The following LASP1 variants were observed in gnomAD, a reference collection of about 807,000 sequenced individuals.
LASP1 encodes the protein LIM and SH3 domain protein 1.
A neutral mutation model predicts 38.6 loss-of-function variants in LASP1; 10 were observed. The ratio of observed to expected loss-of-function variants is 0.26; its 90% CI spans 0.16 to 0.44. The LOEUF (loss-of-function observed/expected upper bound fraction) is 0.44. Among genes scored for constraint, LASP1 ranks in the 20% least tolerant of loss-of-function variants. The probability of loss-of-function intolerance (pLI) is 1.00; values close to 1 mark genes in which losing one functional copy is unlikely to be tolerated. For missense variants in LASP1, 243 were observed against 375.7 expected (o/e 0.65, Z 2.92); for synonymous variants, 132 against 140.8 (o/e 0.94, Z 0.44).
intron 4 of LASP1, among the ~76,000 whole-genome samples, chr17:38,905,953 G>A (rs533718796): frequency 6.6e-6 from 1 of 152,282 alleles, no homozygotes; most frequent in East Asian, 1.9e-4. Context: ...CCAGCTACTC[G>A]AGCGGCTGAG....
intron 4 of LASP1, among the ~76,000 whole-genome samples, chr17:38,909,751 A>T (rs1199191429): frequency 6.6e-6 from 1 of 151,676 alleles, no homozygotes; most frequent in African/African-American, 2.4e-5. Flanking sequence ...TCATTCATTC[A>T]TTCATTCATT....
At chr17:38,905,860 T>G (rs1441570693) in intron 4 of LASP1, among the ~76,000 whole-genome samples, 1 of 151,628 alleles carries the variant, frequency 6.6e-6, no homozygotes, top group African/African-American at 2.4e-5. Context: ...AGTTTAAGAC[T>G]TGCCTGGGCA....
intron 1 of LASP1, among the ~76,000 whole-genome samples, chr17:38,877,066 CACCCCAACACACACAATCTCCA>C: frequency 6.6e-6 from 1 of 152,218 alleles, no homozygotes; most frequent in Non-Finnish European, 1.5e-5. Flanking sequence ...AGCCCCTCTG[CACCCCAACACACACAATCTCCA>C]GTGTGAGCCC....
intron 2 of LASP1, among the ~76,000 whole-genome samples, chr17:38,879,130 T>A (rs1170829301): frequency 6.6e-6 from 1 of 151,030 alleles, no homozygotes; most frequent in African/African-American, 2.4e-5. Flanking sequence ...TAAGTAATGA[T>A]GTAATGATAA....
chr17:38,880,462 G>A (rs1164125230), intron 2 of LASP1, among the ~76,000 whole-genome samples: 1 of 152,232 alleles, frequency 6.6e-6, no homozygotes, highest in African/African-American at 2.4e-5. Flanking sequence ...AGAGGCAGAG[G>A]TTCCCCTGTC....
intron 1 of LASP1, among the ~76,000 whole-genome samples, chr17:38,873,629 G>C (rs1177179742): frequency 1.3e-5 from 2 of 152,196 alleles, no homozygotes; most frequent in Non-Finnish European, 2.9e-5. Flanking sequence ...TCTGGGCCTG[G>C]GGTCTTGTAT....
At position 38,919,072 on chromosome 17, in the gene LASP1, T is replaced by C; in HGVS notation, c.*294T>C. ...TGGGAGACCTGTTGGCCTGTGGGCCTCACCTGCCCCTCTGTTCTCTCCCCT... is the reference window on the plus strand; with the variant it reads ...TGGGAGACCTGTTGGCCTGTGGGCCCCACCTGCCCCTCTGTTCTCTCCCCT... On this transcript the variant is annotated 3_prime_UTR_variant, in exon 7 of 7. Coordinates refer to ENST00000318008, the MANE Select transcript of LASP1 (RefSeq NM_006148.4). 4.4e-6 allele frequency: 2 copies of C among 451,890 alleles called. No homozygotes were observed. The highest frequency in any genetic ancestry group is 4.0e-6 in the Non-Finnish European group (1 of 247,304). The allele number at this position is 451,890 out of a possible 1,614,324, so 28.0% of individuals were successfully genotyped here. A position where few individuals can be genotyped will look rare whatever the true frequency, so the allele number is the denominator to read the frequency against.
At chr17:38,909,241 C>T (rs1207364845) in intron 4 of LASP1, among the ~76,000 whole-genome samples, 3 of 151,974 alleles carry the variant, frequency 2.0e-5, no homozygotes, top group Non-Finnish European at 4.4e-5. Flanking sequence ...CCCCCATCCT[C>T]ATGGAGCACT....
chr17:38,889,987 TG>T (rs1359014328), intron 2 of LASP1, among the ~76,000 whole-genome samples: 1 of 152,246 alleles, frequency 6.6e-6, no homozygotes, highest in Non-Finnish European at 1.5e-5. Context: ...CTCCTCTGCA[TG>T]GTCGGTCTCC....
intron 2 of LASP1, among the ~76,000 whole-genome samples, chr17:38,884,680 C>G (rs947605226): frequency 6.9e-6 from 1 of 145,246 alleles, no homozygotes; most frequent in Admixed American, 6.9e-5. Context: ...TGAGCCACCA[C>G]GTCCGGCTTT....
intron 4 of LASP1, among the ~76,000 whole-genome samples, chr17:38,913,943 GGTGAGCTGAGATC>G (rs1915032791): frequency 2.0e-5 from 3 of 151,712 alleles, no homozygotes; most frequent in African/African-American, 7.3e-5. Context: ...TGGAGGTTGC[GGTGAGCTGAGATC>G]GTACCATTGC....
chr17:38,902,851 T>A (rs748375351), intron 4 of LASP1, among the ~76,000 whole-genome samples: 1 of 152,104 alleles, frequency 6.6e-6, no homozygotes, highest in Non-Finnish European at 1.5e-5. Flanking sequence ...TATAGGCACA[T>A]GCCACCACGC....
chr17:38,885,715 G>A (rs1338084218), intron 2 of LASP1, among the ~76,000 whole-genome samples: 1 of 152,192 alleles, frequency 6.6e-6, no homozygotes, highest in East Asian at 1.9e-4. Context: ...CAGCTGGGAC[G>A]GGTGGCCCCT....
chr17:38,896,985 C>T, intron 3 of LASP1: 1 of 985,474 alleles, frequency 1.0e-6, no homozygotes, highest in Non-Finnish European at 1.2e-6. Context: ...GCCCTACCTT[C>T]CCCGATGCCC....
intron 1 of LASP1, among the ~76,000 whole-genome samples, chr17:38,870,659 G>A (rs1486110750): frequency 6.6e-6 from 1 of 152,082 alleles, no homozygotes; most frequent in African/African-American, 2.4e-5. Context: ...GCGGAAGCGC[G>A]GGGCGCTGGT....
In LASP1 at chr17:38,892,714, C is replaced by T. The variant is rs796431873; in HGVS notation, c.249+2210C>T. 9.2e-5 allele frequency among the ~76,000 whole-genome samples: 14 copies of T among 152,356 alleles called. 1 individual carries two copies. Among genetic ancestry groups the T allele is most frequent in the African/African-American group, 3.1e-4 (13 of 41,592 alleles). ...GGGGTTTGAGGAGGAAGCACCTCCACGTTGTTCCCCCTGCCCAGGATGGGC... is the reference window on the plus strand; with the variant it reads ...GGGGTTTGAGGAGGAAGCACCTCCATGTTGTTCCCCCTGCCCAGGATGGGC... On this transcript the variant is annotated intron_variant, in intron 3 of 6. Transcript: ENST00000318008.
In LASP1 at chr17:38,918,259, G is replaced by A. The variant is rs1331601576; in HGVS notation, c.613-346G>A. 1.3e-5 allele frequency among the ~76,000 whole-genome samples: 2 copies of A among 152,120 alleles called. No homozygotes were observed. The highest frequency in any genetic ancestry group is 1.9e-4 in the East Asian group (1 of 5,192). ...CTCCCACAGTGCTGGGATTACAGGC[G>A]TGAGCCACTGCACCTGGCCTGCATG... is the stretch of plus-strand genomic sequence containing the variant. On this transcript the variant is annotated intron_variant, in intron 6 of 6. Coordinates refer to ENST00000318008, the MANE Select transcript of LASP1 (RefSeq NM_006148.4). The surrounding 1 kb of genome is among the most constrained non-coding windows in gnomAD (Gnocchi z 4.4).
chr17:38,912,541 A>G (rs1914987112), intron 4 of LASP1, among the ~76,000 whole-genome samples: 1 of 152,172 alleles, frequency 6.6e-6, no homozygotes, highest in African/African-American at 2.4e-5. Flanking sequence ...GTGATTCTCC[A>G]GGGTCTGGCT....
Position 38,895,244 on chromosome 17 carries a change from G to C in LASP1, c.250-3168G>C, listed in dbSNP as rs182668608. Among the ~76,000 whole-genome samples the C allele has an allele frequency of 1.5e-4, 23 of 150,994 alleles. No homozygotes were observed. The East Asian group carries it at 4.5e-3, about 29-fold the overall frequency. Reference sequence around the variant, plus strand: ...AGGCTGGTCTCGAACTCCTGGGCTCGAGTGATCCACCTGTCTTGGCCTCCT... The same window carrying C: ...AGGCTGGTCTCGAACTCCTGGGCTCCAGTGATCCACCTGTCTTGGCCTCCT... On this transcript the variant is annotated intron_variant, in intron 3 of 6. Coordinates refer to ENST00000318008, the MANE Select transcript of LASP1 (RefSeq NM_006148.4).
Sources: gnomAD v4.1 joint callset for allele counts (sites outside exome capture counted in the v4.1 genomes callset) on GRCh38, gnomAD v4.1.1 for gene constraint, Gnocchi (gnomAD v3.1) non-coding constraint, MANE v1.5 for transcripts, NCBI Gene and HGNC (gene_info 2026-07-23, HGNC 2026-07-21) for gene names.